The following SFMBT1 variants were observed in gnomAD, a reference collection of about 807,000 sequenced individuals.
The protein encoded by SFMBT1 is scm-like with four MBT domains protein 1.
A neutral mutation model predicts 108.7 loss-of-function variants in SFMBT1; 32 were observed. The observed-to-expected ratio is 0.29, with a 90% confidence interval of 0.22 to 0.40. The LOEUF is 0.40. SFMBT1 is among the 10% of genes least tolerant of loss of function. SFMBT1 has a pLI of 1.00. For missense variants in SFMBT1, 816 were observed against 1,059.6 expected, an observed-to-expected ratio of 0.77 and a Z score of 3.19; for synonymous variants, 348 against 369.5, an observed-to-expected ratio of 0.94 and a Z score of 0.67.
rs397894876 is a variant in SFMBT1, at chr3:53,003,121, C to CAAA, written c.-130-33866_-130-33864dup. On this transcript the variant is annotated intron_variant, in intron 1 of 20. Coordinates refer to ENST00000394752, the MANE Select transcript of SFMBT1 (RefSeq NM_016329.4). ...TGGGTGACAGAGTGGGACTCCATCA[C>CAAA]AAAAAAAAAAAAAAAAAAAAAAAAG... 3.8e-3 allele frequency among the ~76,000 whole-genome samples: 234 copies of CAAA among 61,878 alleles called. 1 individual carries two copies. Among genetic ancestry groups the CAAA allele is most frequent in the South Asian group, 6.5e-3 (10 of 1,548 alleles). The allele number at this position is 61,878 out of a possible 152,430, so 40.6% of individuals were successfully genotyped here. A position where few individuals can be genotyped will look rare whatever the true frequency, so the allele number is the denominator to read the frequency against.
chr3:52,930,061 T>C (rs1702809396), intron 8 of SFMBT1, among the ~76,000 whole-genome samples: 1 of 152,180 alleles, frequency 6.6e-6, no homozygotes, highest in Non-Finnish European at 1.5e-5. Context: ...TTTACTTATA[T>C]GCAGCTAGGC....
rs1448849638 is a variant in SFMBT1 at position 53,001,925 on chromosome 3, T to TCTCACACACACACACACACA, written c.-130-32668_-130-32667insTGTGTGTGTGTGTGTGTGAG. On this transcript the variant is annotated intron_variant, in intron 1 of 20. Transcript: ENST00000394752. ...GGGCAACAGAGCAAGACCCAGTCTCTCACACACACACACACACACACACAC... is the reference window on the plus strand; with the variant it reads ...GGGCAACAGAGCAAGACCCAGTCTCTCTCACACACACACACACACACACACACACACACACACACACACAC... Among the ~76,000 whole-genome samples, 44 of 129,130 alleles carry TCTCACACACACACACACACA rather than the reference T, an allele frequency of 3.4e-4. 2 individuals carry two copies. The highest frequency in any genetic ancestry group is 1.1e-3 in the African/African-American group (41 of 35,714). The allele number at this position is 129,130 out of a possible 152,430, so 84.7% of individuals were successfully genotyped here. A position where few individuals can be genotyped will look rare whatever the true frequency, so the allele number is the denominator to read the frequency against.
chr3:52,945,034 T>C (rs2581805), intron 3 of SFMBT1, among the ~76,000 whole-genome samples: 110,457 of 150,386 alleles, frequency 0.73, 40,809 homozygotes, highest in South Asian at 0.87. Flanking sequence ...AAATTCCCGA[T>C]CTCAAGCAAT....
chr3:52,910,851 T>C, intron 17 of SFMBT1, 152 bp downstream of exon 17: 3 of 645,970 alleles, frequency 4.6e-6, no homozygotes, highest in Non-Finnish European at 8.1e-6. Context: ...AGAAAGCATA[T>C]GACCCACAAC....
intron 13 of SFMBT1, among the ~76,000 whole-genome samples, chr3:52,917,135 T>G (rs948382796): frequency 2.6e-5 from 4 of 152,194 alleles, no homozygotes; most frequent in Non-Finnish European, 5.9e-5. Flanking sequence ...ACTTCTCTAC[T>G]TGGTATAAAT....
chr3:52,970,494 G>T (rs1704301165), intron 1 of SFMBT1, among the ~76,000 whole-genome samples: 1 of 152,094 alleles, frequency 6.6e-6, no homozygotes, highest in Non-Finnish European at 1.5e-5. Context: ...AATAATCTAA[G>T]ATATTAATCT....
At chr3:53,026,199 C>CA in intron 1 of SFMBT1, among the ~76,000 whole-genome samples, 1 of 152,276 alleles carries the variant, frequency 6.6e-6, no homozygotes, top group Admixed American at 6.5e-5. Flanking sequence ...TAACAGCTTA[C>CA]AAGTATCAAC....
At chr3:53,042,308 GC>G (rs1207353264) in intron 1 of SFMBT1, among the ~76,000 whole-genome samples, 1 of 152,192 alleles carries the variant, frequency 6.6e-6, no homozygotes, top group Non-Finnish European at 1.5e-5. Context: ...TACTACAGAA[GC>G]AGGAAGATTA....
chr3:52,919,132 A>G (rs1702444224), intron 12 of SFMBT1, among the ~76,000 whole-genome samples: 1 of 152,162 alleles, frequency 6.6e-6, no homozygotes, highest in African/African-American at 2.4e-5. Context: ...CCCCTGCCTC[A>G]TATCATATAT....
Position 52,926,111 on chromosome 3 carries a change from A to T in SFMBT1, c.1051T>A (p.Tyr351Asn). 6.2e-7 allele frequency: 1 copy of T among 1,605,260 alleles called. No homozygotes were observed. Among genetic ancestry groups the T allele is most frequent in the South Asian group, 1.1e-5 (1 of 90,036 alleles). ...NGLHISPPPG[Y>N]PSQDFDWADY... ...GCCCAGTCAAAGTCCTGGCTTGGGT[A>T]GCCTAGGTGGGGACAAATGAACAAT... Residue 351 changes from tyrosine to asparagine, a missense_variant and splice_region_variant, in exon 10 of 21, where the codon TAC becomes AAC. Transcript: ENST00000394752.
rs780779248 is a variant in SFMBT1, at chr3:52,926,050, G to A, written c.1112C>T (p.Pro371Leu). ...CCTCACCGGAGGGAAGCACCTCTGG[G>A]GAGCAGCTTCAGCACCACACTGTTT... ...YLKQCGAEAAPQRCFPPLISE... is the reference protein window; with the variant it reads ...YLKQCGAEAALQRCFPPLISE... The change falls in exon 10 of 21, where the codon CCC (proline) becomes CTC (leucine). Residue 371 changes from proline (P) to leucine (L), a missense_variant. Transcript: ENST00000394752. 12 of 1,606,526 alleles carry A rather than the reference G, an allele frequency of 7.5e-6. No individual in the cohort carries two copies. The highest frequency in any genetic ancestry group is 2.3e-5 in the East Asian group (1 of 43,992).
rs191322157 is a variant in SFMBT1, at chr3:52,909,844, A to T, written c.1906+1159T>A. On this transcript the variant is annotated intron_variant, in intron 17 of 20. Transcript: ENST00000394752. The stretch of plus-strand genomic sequence containing the variant: ...CCCCTGCCCCAGTTTCTCAAAGAAG[A>T]TAAGCAAGGACAGCGAATAGGTGCT... 2.6e-5 allele frequency among the ~76,000 whole-genome samples: 4 copies of T among 152,288 alleles called. No homozygotes were observed. The East Asian group carries it at 7.7e-4, about 29-fold the overall frequency.
intron 10 of SFMBT1, 76 bp downstream of exon 10, chr3:52,925,955 T>C: frequency 7.6e-7 from 1 of 1,322,702 alleles, no homozygotes; most frequent in Non-Finnish European, 1.1e-6. Context: ...TTCAGAGCAA[T>C]AACATGGAAA....
Position 53,004,060 on chromosome 3 carries a change from A to G in SFMBT1, c.-130-34802T>C, listed in dbSNP as rs962527475. ...TTTAAAGTTATAGATATGAGGTTTTAACTCAAAAAGAAGGAATTTCATCAA... is the reference window on the plus strand; with the variant it reads ...TTTAAAGTTATAGATATGAGGTTTTGACTCAAAAAGAAGGAATTTCATCAA... On this transcript the variant is annotated intron_variant, in intron 1 of 20. Coordinates refer to ENST00000394752, the MANE Select transcript of SFMBT1 (RefSeq NM_016329.4). Among the ~76,000 whole-genome samples, 4 of 149,996 alleles carry G rather than the reference A, an allele frequency of 2.7e-5. 1 individual carries two copies. The highest frequency in any genetic ancestry group is 6.0e-5 in the Non-Finnish European group (4 of 66,992).
intron 1 of SFMBT1, among the ~76,000 whole-genome samples, chr3:53,028,167 T>G (rs1409688704): frequency 6.6e-6 from 1 of 152,046 alleles, no homozygotes; most frequent in Non-Finnish European, 1.5e-5. Context: ...CACAGCTCAC[T>G]TGGAGGCAGA....
Position 52,907,192 on chromosome 3 carries a change from T to C in SFMBT1, c.2208A>G (p.Ser736=). 1 of 1,614,086 alleles carries C rather than the reference T, an allele frequency of 6.2e-7. No homozygotes were observed. Among genetic ancestry groups the C allele is most frequent in the South Asian group, 1.1e-5 (1 of 91,080 alleles). ...CACTTTGGGTGGGAGAAGAGGAGCA[T>C]GACTTTTTTTCTGACATTTCTGATT... ...QEESEMSEKK[S]CSSSPTQSEI... is the part of the protein sequence containing the mutation. Residue 736 remains serine (S), a synonymous_variant, in exon 19 of 21, where the codon TCA becomes TCG. Coordinates refer to ENST00000394752, the MANE Select transcript of SFMBT1 (RefSeq NM_016329.4).
At chr3:52,948,825 A>ATTTTTTTTTTTGTTTTTTTTTTT (rs1703469260) in intron 3 of SFMBT1, among the ~76,000 whole-genome samples, 1 of 78,284 alleles carries the variant, frequency 1.3e-5, no homozygotes, top group African/African-American at 4.9e-5. Flanking sequence ...CTAATTTTTA[A>ATTTTTTTTTTTGTTTTTTTTTTT]TTTTTTTTTT....
At chr3:52,957,006 A>AT (rs1485450028) in intron 2 of SFMBT1, among the ~76,000 whole-genome samples, 1 of 152,168 alleles carries the variant, frequency 6.6e-6, no homozygotes, top group Admixed American at 6.6e-5. Flanking sequence ...GATAAAGGGT[A>AT]TTCAAATAGG....
At position 53,045,980 on chromosome 3, in the gene SFMBT1, C is replaced by A. The variant is rs1054524685; in HGVS notation, c.-295G>T. ...GCGCCCTCCTTCCTGCTGGGTTCGG[C>A]GGAGCGGGGCGGCCGGCAGCTCTCC... On this transcript the variant is annotated 5_prime_UTR_variant, in exon 1 of 21. Transcript: ENST00000394752. 6.6e-6 allele frequency: 1 copy of A among 151,062 alleles called. No homozygotes were observed. Among genetic ancestry groups the A allele is most frequent in the Non-Finnish European group, 1.5e-5 (1 of 67,702 alleles). The allele number at this position is 151,062 out of a possible 1,614,324, so 9.4% of individuals were successfully genotyped here.
Sources: gnomAD v4.1 joint callset for allele counts (sites outside exome capture counted in the v4.1 genomes callset) on GRCh38, gnomAD v4.1.1 for gene constraint, MANE v1.5 for transcripts, NCBI Gene and HGNC (gene_info 2026-07-23, HGNC 2026-07-21) for gene names.